SCEL: variants seen among roughly 807,000 people sequenced by gnomAD.
SCEL encodes sciellin.
In SCEL, 113 loss-of-function variants were observed where a neutral mutation model predicts 117.6. That is an observed-to-expected ratio of 0.96 (90% CI 0.83 to 1.12). SCEL has a LOEUF of 1.12. SCEL is among the 50% of genes most tolerant of loss of function. The pLI, the probability that SCEL is intolerant of heterozygous loss-of-function variation, is 0.00. For missense variants in SCEL, 785 were observed against 810.8 expected, an observed-to-expected ratio of 0.97 and a Z score of 0.39; for synonymous variants, 270 against 256.2, an observed-to-expected ratio of 1.05 and a Z score of -0.51.
chr13:77,608,421 G>A lies in SCEL; in HGVS notation c.1217+306G>A, dbSNP rs150984089. Among the ~76,000 whole-genome samples, 1,390 of 152,260 alleles carry A rather than the reference G, an allele frequency of 9.1e-3. 28 individuals are homozygous for A. The highest frequency in any genetic ancestry group is 0.031 in the African/African-American group (1,285 of 41,546). On this transcript the variant is annotated intron_variant, in intron 20 of 32. Coordinates refer to ENST00000349847, the MANE Select transcript of SCEL (RefSeq NM_144777.3). Reference sequence around the variant, plus strand: ...TCAAGTCCAGCCTGTCCAACATAGTGAAACCGTGTCTCTATAAAAAATACA... The same window carrying A: ...TCAAGTCCAGCCTGTCCAACATAGTAAAACCGTGTCTCTATAAAAAATACA...
chr13:77,582,480 G>A (rs1275308800), intron 9 of SCEL, among the ~76,000 whole-genome samples: 1 of 152,064 alleles, frequency 6.6e-6, no homozygotes, highest in African/African-American at 2.4e-5. Flanking sequence ...CTCCTGCCTC[G>A]GCCTCCGAAA....
intron 24 of SCEL, among the ~76,000 whole-genome samples, chr13:77,616,122 A>G (rs373805415): frequency 4.6e-5 from 7 of 151,624 alleles, no homozygotes; most frequent in South Asian, 2.1e-4. Context: ...AGTGGTTAGA[A>G]TATCATTGTT....
At chr13:77,572,311 T>C (rs898080128) in intron 9 of SCEL, 122 bp downstream of exon 9, 1 of 759,284 alleles carries the variant, frequency 1.3e-6, no homozygotes, top group Admixed American at 2.3e-5. Flanking sequence ...AACTCTCAGC[T>C]CTGTACAGGA....
intron 1 of SCEL, among the ~76,000 whole-genome samples, chr13:77,549,485 T>C (rs1452887052): frequency 6.6e-6 from 1 of 152,224 alleles, no homozygotes; most frequent in Non-Finnish European, 1.5e-5. Flanking sequence ...CTATACCCCA[T>C]TGTTAGTTCA....
At chr13:77,545,034 C>A (rs528126379) in intron 1 of SCEL, among the ~76,000 whole-genome samples, 8 of 152,196 alleles carry the variant, frequency 5.3e-5, no homozygotes, top group Non-Finnish European at 1.0e-4. Flanking sequence ...TAATTTTCAA[C>A]ACATGCATTC....
At chr13:77,539,780 C>T (rs1172150841) in intron 1 of SCEL, among the ~76,000 whole-genome samples, 2 of 152,080 alleles carry the variant, frequency 1.3e-5, no homozygotes, top group Non-Finnish European at 1.5e-5. Flanking sequence ...GTGGTCTGCC[C>T]GCCTCTGCCT....
At chr13:77,551,126 A>C (rs1025171827) in intron 1 of SCEL, among the ~76,000 whole-genome samples, 2 of 152,212 alleles carry the variant, frequency 1.3e-5, no homozygotes, top group Admixed American at 1.3e-4. Flanking sequence ...AGCCCGATGC[A>C]GCCTCTTAAC....
chr13:77,600,031 A>C, intron 15 of SCEL: 3 of 381,786 alleles, frequency 7.9e-6, no homozygotes, highest in Non-Finnish European at 1.4e-5. Context: ...CTAAAATGGA[A>C]AGAAACACAA....
chr13:77,634,506 ATG>A (rs1483829940), intron 29 of SCEL, 56 bp downstream of exon 29: 34 of 1,278,024 alleles, frequency 2.7e-5, no homozygotes, highest in Non-Finnish European at 3.8e-5. Flanking sequence ...GAAAGGATCT[ATG>A]TTTAATAAGA....
At chr13:77,612,824 G>T in intron 22 of SCEL, 67 bp from the exon 23 acceptor site, 1 of 923,572 alleles carries the variant, frequency 1.1e-6, no homozygotes. Flanking sequence ...TTAATATTAA[G>T]GTTGAAAAAA....
At chr13:77,570,128 T>C (rs755148331) in intron 8 of SCEL, among the ~76,000 whole-genome samples, 4 of 152,170 alleles carry the variant, frequency 2.6e-5, no homozygotes, top group Non-Finnish European at 4.4e-5. Context: ...ATTTTCTCAA[T>C]TTCCCTGTCT....
At chr13:77,542,348 C>G (rs898892147) in intron 1 of SCEL, among the ~76,000 whole-genome samples, 1 of 152,094 alleles carries the variant, frequency 6.6e-6, no homozygotes, top group Non-Finnish European at 1.5e-5. Context: ...TTGCAGTGGC[C>G]GAGATCACGC....
chr13:77,636,971 A>G, intron 29 of SCEL, 149 bp from the exon 30 acceptor site: 1 of 441,370 alleles, frequency 2.3e-6, no homozygotes, highest in Non-Finnish European at 4.1e-6. Flanking sequence ...ATTTCTACAG[A>G]TTAAAAAAAT....
chr13:77,634,184 G>T (rs1197640639), intron 28 of SCEL, among the ~76,000 whole-genome samples, 195 bp from the exon 29 acceptor site: 2 of 152,190 alleles, frequency 1.3e-5, no homozygotes, highest in Non-Finnish European at 2.9e-5. Context: ...CAAGACAGTG[G>T]AAGTTAAAAA....
chr13:77,564,786 T>C (rs2085191976), intron 5 of SCEL, among the ~76,000 whole-genome samples: 1 of 152,174 alleles, frequency 6.6e-6, no homozygotes, highest in Non-Finnish European at 1.5e-5. Flanking sequence ...ACTATGCCAG[T>C]GTTGATTAAT....
intron 9 of SCEL, among the ~76,000 whole-genome samples, chr13:77,576,453 T>C (rs186750051): frequency 8.4e-6 from 1 of 119,460 alleles, no homozygotes; most frequent in East Asian, 1.9e-4. Context: ...TCTTCTCTTC[T>C]CCTCTTGTTC....
rs772383214 is a variant in SCEL at position 77,634,381 on chromosome 13, C to T, written c.1694C>T (p.Ser565Phe). 2 of 1,612,916 alleles carry T rather than the reference C, an allele frequency of 1.2e-6. No homozygotes were observed. Among genetic ancestry groups the T allele is most frequent in the Non-Finnish European group, 1.7e-6 (2 of 1,179,144 alleles). ...AAGTAAAATGATTTGTTTTGCAGCT[C>T]TAACACTGGAGCCAAGCAGGCAGGA... ...SHVSENKNGS[S>F]NTGAKQAGPQ... Residue 565 changes from serine (S) to phenylalanine (F), a missense_variant and splice_region_variant, in exon 29 of 33, where the codon TCT becomes TTT. By Grantham distance (155) the Ser-to-Phe change is radical. Coordinates refer to ENST00000349847, the MANE Select transcript of SCEL (RefSeq NM_144777.3).
intron 9 of SCEL, among the ~76,000 whole-genome samples, chr13:77,573,909 A>G (rs1419459030): frequency 3.3e-5 from 5 of 152,188 alleles, no homozygotes; most frequent in African/African-American, 1.2e-4. Context: ...CTGTTATTAG[A>G]TACTTCGCTA....
At chr13:77,564,906 A>C (rs2085200453) in intron 5 of SCEL, among the ~76,000 whole-genome samples, 2 of 152,226 alleles carry the variant, frequency 1.3e-5, no homozygotes, top group South Asian at 2.1e-4. Flanking sequence ...TCTTTTAAAA[A>C]TTATCATCCT....
Sources: allele counts gnomAD v4.1 joint callset (sites outside exome capture counted in the v4.1 genomes callset), GRCh38; gene constraint gnomAD v4.1.1; transcripts MANE v1.5; gene names NCBI Gene and HGNC (gene_info 2026-07-23, HGNC 2026-07-21).